Variants in ZNF184 observed in about 807,000 individuals in gnomAD.
The protein encoded by ZNF184 is zinc finger protein 184.
A neutral mutation model predicts 54.4 loss-of-function variants in ZNF184; 16 were observed. That is an observed-to-expected ratio of 0.29 (90% CI 0.20 to 0.45). The LOEUF (loss-of-function observed/expected upper bound fraction) is 0.45, where lower values mean the gene tolerates loss of function less well. Ranked by LOEUF, ZNF184 falls within the 20% of genes least tolerant of loss-of-function variation. ZNF184 has a pLI of 1.00. For missense variants in ZNF184, 681 were observed against 888.2 expected (o/e 0.77, Z 2.97); for synonymous variants, 254 against 295.3 (o/e 0.86, Z 1.43).
chr6:27,427,261 C>T, the ZNF184 span, among the ~76,000 whole-genome samples: 2 of 151,928 alleles, frequency 1.3e-5, no homozygotes, highest in African/African-American at 4.8e-5. Context: ...GTAGGAGTGA[C>T]AAATTTTTCG....
At chr6:27,410,481 C>T in the ZNF184 span, among the ~76,000 whole-genome samples, 2 of 152,128 alleles carry the variant, frequency 1.3e-5, no homozygotes, top group Non-Finnish European at 2.9e-5. Flanking sequence ...ATGATGGCAG[C>T]CTTTAGTATT....
At chr6:27,420,975 T>C in the ZNF184 span, among the ~76,000 whole-genome samples, 9,373 of 152,216 alleles carry the variant, frequency 0.062, 360 homozygotes, top group Non-Finnish European at 0.084. Context: ...TATAAATATG[T>C]GAAAGAAGCT....
chr6:27,442,812 GAGAAAGAAAGAA>G, the ZNF184 span, among the ~76,000 whole-genome samples: 1,508 of 52,476 alleles, frequency 0.029, 74 homozygotes, highest in African/African-American at 0.051. Context: ...GAGAAAGAAA[GAGAAAGAAAGAA>G]AGAAAGAAAG....
rs1253694821 is a variant in ZNF184, at chr6:27,472,016, T to A, written c.7+272A>T. ...TCAAGATTATAATTTTAATATTTAA[T>A]ATTCAGAAGTCATGTGGGGATCACA... On this transcript the variant is annotated intron_variant, in intron 2 of 5. Coordinates refer to ENST00000683788, the MANE Select transcript of ZNF184 (RefSeq NM_001318891.2). This position sits in a 1 kb window ranked among gnomAD's most constrained non-coding sequence, Gnocchi z 4.8. Among the ~76,000 whole-genome samples, 1 of 152,238 alleles carries A rather than the reference T, an allele frequency of 6.6e-6. No homozygotes were observed. The highest frequency in any genetic ancestry group is 1.5e-5 in the Non-Finnish European group (1 of 68,042).
chr6:27,418,429 C>T, the ZNF184 span, among the ~76,000 whole-genome samples: 1 of 152,192 alleles, frequency 6.6e-6, no homozygotes, highest in Non-Finnish European at 1.5e-5. Flanking sequence ...CTGAGATTGG[C>T]ACATTCAACT....
the ZNF184 span, among the ~76,000 whole-genome samples, chr6:27,424,376 G>T: frequency 2.0e-5 from 3 of 152,188 alleles, no homozygotes; most frequent in Non-Finnish European, 4.4e-5. Flanking sequence ...CGACAGAGTT[G>T]CCACTGCTGG....
At chr6:27,456,967 G>T (rs770110131) in intron 4 of ZNF184, 46 bp from the exon 5 acceptor site, 2 of 1,519,810 alleles carry the variant, frequency 1.3e-6, no homozygotes, top group South Asian at 2.3e-5. Flanking sequence ...TAAGGGGAAA[G>T]TACCATATCA....
chr6:27,465,052 T>C (rs1347440728), intron 3 of ZNF184, among the ~76,000 whole-genome samples: 1 of 137,104 alleles, frequency 7.3e-6, no homozygotes, highest in African/African-American at 2.9e-5. Flanking sequence ...GCTTCTATCA[T>C]GTGAGGACAT....
chr6:27,451,889 G>A lies in ZNF184; in HGVS notation c.1670C>T (p.Pro557Leu). 1 of 1,612,424 alleles carries A rather than the reference G, an allele frequency of 6.2e-7. No individual in the cohort carries two copies. Among genetic ancestry groups the A allele is most frequent in the Non-Finnish European group, 8.5e-7 (1 of 1,179,982 alleles). Residue 557 changes from proline to leucine, a missense_variant, in exon 6 of 6, where the codon CCC (proline) becomes CTC (leucine). Physicochemically the swap from Pro to Leu is moderately conservative, Grantham distance 98. Transcript: ENST00000683788. ...KHERIHTGEKPYQCHECGKTF... is the reference protein window; with the variant it reads ...KHERIHTGEKLYQCHECGKTF... ...TTTCCCACATTCATGACACTGATAG[G>A]GTTTCTCTCCAGTATGAATTCTTTC... is the stretch of plus-strand genomic sequence containing the variant.
chr6:27,443,013 T>C, the ZNF184 span, among the ~76,000 whole-genome samples: 1 of 152,348 alleles, frequency 6.6e-6, no homozygotes, highest in South Asian at 2.1e-4. Context: ...GACTCTGTGC[T>C]CACTATTTTT....
At chr6:27,428,120 A>G in the ZNF184 span, among the ~76,000 whole-genome samples, 1 of 152,118 alleles carries the variant, frequency 6.6e-6, no homozygotes, top group Non-Finnish European at 1.5e-5. This position sits in a 1 kb window ranked among gnomAD's most constrained non-coding sequence, Gnocchi z 4.1. Flanking sequence ...TCTGCTTTGA[A>G]TCTTCCTTTT....
chr6:27,432,611 C>T, the ZNF184 span, among the ~76,000 whole-genome samples: 18 of 152,266 alleles, frequency 1.2e-4, no homozygotes, highest in African/African-American at 3.6e-4. This position sits in a 1 kb window ranked among gnomAD's most constrained non-coding sequence, Gnocchi z 4.0. Context: ...CTTCTTGGAA[C>T]GCTCTTTCTC....
At chr6:27,421,256 A>G in the ZNF184 span, among the ~76,000 whole-genome samples, 1 of 152,240 alleles carries the variant, frequency 6.6e-6, no homozygotes, top group Admixed American at 6.5e-5. Context: ...ATATGTGTCA[A>G]TATAAGTTCA....
At chr6:27,413,767 C>A in the ZNF184 span, among the ~76,000 whole-genome samples, 1 of 152,302 alleles carries the variant, frequency 6.6e-6, no homozygotes, top group Admixed American at 6.5e-5. Flanking sequence ...ACTTGACTTA[C>A]ATCTTCTGTT....
intron 2 of ZNF184, among the ~76,000 whole-genome samples, chr6:27,470,887 T>C (rs532688334): frequency 6.6e-6 from 1 of 152,250 alleles, no homozygotes; most frequent in South Asian, 2.1e-4. Context: ...TTGGCTGATT[T>C]AATTCTGAGA....
chr6:27,419,856 A>T, the ZNF184 span, among the ~76,000 whole-genome samples: 8 of 152,252 alleles, frequency 5.3e-5, no homozygotes, highest in African/African-American at 1.7e-4. The surrounding 1 kb of genome is among the most constrained non-coding windows in gnomAD (Gnocchi z 4.8). Flanking sequence ...GCCCCTCCAC[A>T]GTCTCATCTC....
At chr6:27,449,086 C>T (rs529757047), downstream of ZNF184, among the ~76,000 whole-genome samples, 12 of 152,326 alleles carry the variant, frequency 7.9e-5, no homozygotes, top group South Asian at 2.5e-3. Flanking sequence ...AGTTACGTGA[C>T]ATTTTCTCTC....
At chr6:27,464,096 A>T (rs988084730) in intron 3 of ZNF184, among the ~76,000 whole-genome samples, 1 of 152,186 alleles carries the variant, frequency 6.6e-6, no homozygotes, top group African/African-American at 2.4e-5. Flanking sequence ...AAGTCATGAC[A>T]ATCAAAAAAG....
At chr6:27,423,648 AAAC>A in the ZNF184 span, among the ~76,000 whole-genome samples, 1 of 151,880 alleles carries the variant, frequency 6.6e-6, no homozygotes, top group East Asian at 1.9e-4. Flanking sequence ...AAAAAACAAA[AAAC>A]AAAACACCGC....
Sources: allele counts gnomAD v4.1 joint callset (sites outside exome capture counted in the v4.1 genomes callset), GRCh38; gene constraint gnomAD v4.1.1; non-coding constraint Gnocchi (gnomAD v3.1); transcripts MANE v1.5; gene names NCBI Gene and HGNC (gene_info 2026-07-23, HGNC 2026-07-21).